Variants in STPG2 observed in about 807,000 individuals in gnomAD.
The protein encoded by STPG2 is sperm tail PG-rich repeat containing 2, also known as sperm-tail PG-rich repeat-containing protein 2.
A neutral mutation model predicts 54.2 loss-of-function variants in STPG2; 56 were observed. The ratio of observed to expected loss-of-function variants is 1.03; its 90% confidence interval spans 0.83 to 1.29. The LOEUF (loss-of-function observed/expected upper bound fraction) is 1.29. Among genes scored for constraint, STPG2 ranks in the 50% most tolerant of loss-of-function variants. The pLI is 0.00. For missense variants in STPG2, 596 were observed against 544.9 expected (o/e 1.09, Z -0.93); for synonymous variants, 200 against 181.8 (o/e 1.10, Z -0.81).
intron 10 of STPG2, among the ~76,000 whole-genome samples, chr4:97,602,477 T>A (rs1733489161): frequency 6.6e-6 from 1 of 151,824 alleles, no homozygotes; most frequent in South Asian, 2.1e-4. Context: ...AGTAAAAATA[T>A]CACGCATCTT....
chr4:97,840,992 A>T lies in STPG2; in HGVS notation c.1045-60T>A. ...TCTTATACTGAAAATATCCAAGAAG[A>T]TACCAGATGGATGGTTACAGTAAGC... is the stretch of plus-strand genomic sequence containing the variant. On this transcript the variant is annotated intron_variant, in intron 8 of 10. Coordinates refer to ENST00000295268, the MANE Select transcript of STPG2 (RefSeq NM_174952.3). 3 of 1,522,182 alleles carry T rather than the reference A, an allele frequency of 2.0e-6. No homozygotes were observed. In the South Asian group the frequency reaches 3.7e-5, roughly 19 times the overall value. 94.3% of individuals were successfully genotyped at this position (1,522,182 alleles called of 1,614,324 possible). A position where few individuals can be genotyped will look rare whatever the true frequency, so the allele number is the denominator to read the frequency against.
In STPG2 at chr4:97,931,435, G is replaced by A. The variant is rs556669638; in HGVS notation, c.1044+12462C>T. On this transcript the variant is annotated intron_variant, in intron 8 of 10. Transcript: ENST00000295268. ...TCAGAAGCCTTTCTGAAGCTATTGA[G>A]ATAATCATGTGGTTTTTGTCTCTAG... Among the ~76,000 whole-genome samples, 16 of 152,278 alleles carry A rather than the reference G, an allele frequency of 1.1e-4. No individual in the cohort carries two copies. In the East Asian group the frequency reaches 2.7e-3, roughly 26 times the overall value.
chr4:97,816,353 G>C (rs1578589532), intron 9 of STPG2, among the ~76,000 whole-genome samples: 1 of 152,198 alleles, frequency 6.6e-6, no homozygotes, highest in Non-Finnish European at 1.5e-5. Flanking sequence ...ATGTGCATGT[G>C]TCTTTATAGT....
chr4:98,040,757 T>C (rs190680008), intron 5 of STPG2, among the ~76,000 whole-genome samples: 1 of 151,978 alleles, frequency 6.6e-6, no homozygotes, highest in Non-Finnish European at 1.5e-5. Flanking sequence ...GACAATGTGA[T>C]GTCTCCTGCT....
At chr4:97,632,829 A>T (rs1243814074) in intron 10 of STPG2, among the ~76,000 whole-genome samples, 1 of 152,156 alleles carries the variant, frequency 6.6e-6, no homozygotes, top group Admixed American at 6.6e-5. Flanking sequence ...TAAGGTAAGT[A>T]AGCTTATATC....
At chr4:97,734,533 A>G (rs1351609937) in intron 9 of STPG2, among the ~76,000 whole-genome samples, 1 of 152,158 alleles carries the variant, frequency 6.6e-6, no homozygotes, top group Admixed American at 6.5e-5. Context: ...TATTGAGATG[A>G]CCATATGATT....
At chr4:97,691,817 G>A (rs528795069) in intron 10 of STPG2, among the ~76,000 whole-genome samples, 15 of 152,318 alleles carry the variant, frequency 9.8e-5, no homozygotes, top group African/African-American at 3.6e-4. Flanking sequence ...TCCACCGGGA[G>A]TAGGTGTTGC....
intron 9 of STPG2, among the ~76,000 whole-genome samples, chr4:97,735,005 G>A (rs555337309): frequency 2.2e-4 from 34 of 151,812 alleles, no homozygotes; most frequent in African/African-American, 5.8e-4. Context: ...CCCAGGAGGC[G>A]GAGCTGGCAG....
intron 9 of STPG2, among the ~76,000 whole-genome samples, chr4:97,798,161 G>A (rs1486389597): frequency 1.3e-5 from 2 of 152,130 alleles, no homozygotes; most frequent in Non-Finnish European, 1.5e-5. Flanking sequence ...TTTTTGAAGG[G>A]ATTTTTGTGT....
At chr4:98,070,039 G>A (rs1188505179) in intron 5 of STPG2, among the ~76,000 whole-genome samples, 1 of 151,888 alleles carries the variant, frequency 6.6e-6, no homozygotes, top group East Asian at 1.9e-4. Context: ...ATTTTATGAG[G>A]CTACCATCAT....
At chr4:98,135,234 G>GTGCTAC (rs1464588437) in intron 1 of STPG2, among the ~76,000 whole-genome samples, 1 of 151,728 alleles carries the variant, frequency 6.6e-6, no homozygotes, top group Admixed American at 6.6e-5. Flanking sequence ...AGGAAAATGT[G>GTGCTAC]TGCTACTGTA....
chr4:97,675,830 T>C lies in STPG2; in HGVS notation c.1320+36869A>G, dbSNP rs541007440. Among the ~76,000 whole-genome samples, 747 of 151,002 alleles carry C rather than the reference T, an allele frequency of 4.9e-3. 4 individuals carry two copies. Among genetic ancestry groups the C allele is most frequent in the Middle Eastern group, 0.017 (5 of 286 alleles). ...GGAATAGGGTCCCAACAATTAAATG[T>C]ACACATGTGGGAGAGTAATAACATT... On this transcript the variant is annotated intron_variant, in intron 10 of 10. Transcript: ENST00000295268.
chr4:97,745,958 T>A (rs1237924362), intron 9 of STPG2, among the ~76,000 whole-genome samples: 5 of 151,196 alleles, frequency 3.3e-5, no homozygotes. Context: ...AAGATGAGAG[T>A]TGTTTGAGCT....
At chr4:97,955,091 AAC>A (rs1733622884) in intron 7 of STPG2, among the ~76,000 whole-genome samples, 1 of 152,226 alleles carries the variant, frequency 6.6e-6, no homozygotes, top group Admixed American at 6.5e-5. Context: ...TGAAATTAAG[AAC>A]TCAATAGATT....
intron 5 of STPG2, among the ~76,000 whole-genome samples, chr4:98,092,175 T>C (rs1209241549): frequency 1.3e-5 from 2 of 152,100 alleles, no homozygotes; most frequent in Admixed American, 6.5e-5. Flanking sequence ...CTCTCACATA[T>C]AATTTTGTCC....
chr4:97,897,737 T>C (rs949587520), intron 8 of STPG2, among the ~76,000 whole-genome samples: 1 of 152,032 alleles, frequency 6.6e-6, no homozygotes, highest in African/African-American at 2.4e-5. Flanking sequence ...ATCCTTTGTC[T>C]ATTTTTTAAT....
chr4:97,481,715 T>C (rs948167750), intron 4 of STPG2, among the ~76,000 whole-genome samples: 17 of 151,690 alleles, frequency 1.1e-4, no homozygotes, highest in African/African-American at 3.9e-4. Flanking sequence ...CATTGAAAAA[T>C]TCACTTATTA....
At chr4:97,737,696 A>G (rs1725060678) in intron 9 of STPG2, among the ~76,000 whole-genome samples, 1 of 152,214 alleles carries the variant, frequency 6.6e-6, no homozygotes, top group Non-Finnish European at 1.5e-5. Context: ...AGCATTCAAG[A>G]AATATGGGAC....
At chr4:97,494,118 G>A (rs1304682249) in intron 4 of STPG2, among the ~76,000 whole-genome samples, 2 of 151,306 alleles carry the variant, frequency 1.3e-5, no homozygotes, top group African/African-American at 2.4e-5. Context: ...GAGATTTGGG[G>A]GTATGAATTA....
Sources: gnomAD v4.1 joint callset for allele counts (sites outside exome capture counted in the v4.1 genomes callset) on GRCh38, gnomAD v4.1.1 for gene constraint, MANE v1.5 for transcripts, NCBI Gene and HGNC (gene_info 2026-07-23, HGNC 2026-07-21) for gene names.